MYO16: variants seen among roughly 807,000 people sequenced by gnomAD.
MYO16 encodes the protein unconventional myosin-XVI.
A neutral mutation model predicts 205.3 loss-of-function variants in MYO16; 94 were observed. The observed-to-expected ratio is 0.46, with a 90% CI of 0.39 to 0.54. The LOEUF (loss-of-function observed/expected upper bound fraction) is 0.54. Ranked by LOEUF, MYO16 falls within the 20% of genes least tolerant of loss-of-function variation. The pLI, the probability that MYO16 is intolerant of heterozygous loss-of-function variation, is 0.00. For synonymous variants in MYO16, 988 were observed against 954.0 expected, an observed-to-expected ratio of 1.04 and a Z score of -0.66; for missense variants, 2,315 against 2,387.5, an observed-to-expected ratio of 0.97 and a Z score of 0.63.
intron 34 of MYO16, among the ~76,000 whole-genome samples, chr13:109,199,940 A>G (rs1349476557): frequency 6.6e-6 from 1 of 152,228 alleles, no homozygotes; most frequent in Admixed American, 6.5e-5. Flanking sequence ...TTGTTTATAT[A>G]GTACTGGACT....
At chr13:108,588,239 A>G in the MYO16 span, among the ~76,000 whole-genome samples, 1 of 152,150 alleles carries the variant, frequency 6.6e-6, no homozygotes, top group Admixed American at 6.5e-5. Context: ...GAAAGAAACT[A>G]TATCTGTATG....
chr13:108,948,681 G>A lies in MYO16; in HGVS notation c.1926-9007G>A, dbSNP rs1224750897. Among the ~76,000 whole-genome samples, 3 of 152,204 alleles carry A rather than the reference G, an allele frequency of 2.0e-5. 1 individual carries two copies. The highest frequency in any genetic ancestry group is 1.3e-4 in the Admixed American group (2 of 15,286). On this transcript the variant is annotated intron_variant, in intron 16 of 34. Coordinates refer to ENST00000457511, the MANE Select transcript of MYO16 (RefSeq NM_001198950.3). ...CTTAGAGTGATGCTTCATGCTGGAT[G>A]GGAACATTTTTTGTCTGTGCCTCCA... is the stretch of plus-strand genomic sequence containing the variant.
upstream of MYO16, among the ~76,000 whole-genome samples, chr13:108,593,740 C>T (rs1399163926): frequency 2.0e-5 from 3 of 152,106 alleles, no homozygotes; most frequent in South Asian, 2.1e-4. Flanking sequence ...TCTCCAAAGC[C>T]GAGGTCAACA....
At position 109,140,259 on chromosome 13, in the gene MYO16, C is replaced by G; in HGVS notation, c.4052-5C>G. On this transcript the variant is annotated splice_polypyrimidine_tract_variant and splice_region_variant and intron_variant, in intron 31 of 34. Transcript: ENST00000457511. The surrounding 1 kb of genome is among the most constrained non-coding windows in gnomAD (Gnocchi z 8.0). Reference sequence around the variant, plus strand: ...ACCCACTGACCGCGTCCTTTCCTGCCGCAGCTCTGGCCCGGCCCAGACCGC... The same window carrying G: ...ACCCACTGACCGCGTCCTTTCCTGCGGCAGCTCTGGCCCGGCCCAGACCGC... 1 of 1,598,278 alleles carries G rather than the reference C, an allele frequency of 6.3e-7. No homozygotes were observed. The highest frequency in any genetic ancestry group is 2.2e-5 in the East Asian group (1 of 44,594).
At chr13:108,520,680 G>A in the MYO16 span, among the ~76,000 whole-genome samples, 1 of 152,144 alleles carries the variant, frequency 6.6e-6, no homozygotes, top group East Asian at 1.9e-4. Context: ...ATACATTCAA[G>A]CCAATAAACT....
chr13:108,496,357 G>T, the MYO16 span, among the ~76,000 whole-genome samples: 1 of 152,206 alleles, frequency 6.6e-6, no homozygotes, highest in Non-Finnish European at 1.5e-5. Context: ...CGCGATGGGG[G>T]CTCTGCTTCC....
At position 109,133,730 on chromosome 13, in the gene MYO16, C is replaced by A. The variant is rs542840669; in HGVS notation, c.4051+6180C>A. ...AAGTAGTTGCAAACATTTTATGCAT[C>A]AATATTAGAACAAAAAAATAAGAAA... On this transcript the variant is annotated intron_variant, in intron 31 of 34. Coordinates refer to ENST00000457511, the MANE Select transcript of MYO16 (RefSeq NM_001198950.3). Among the ~76,000 whole-genome samples the A allele has an allele frequency of 5.3e-5, 8 of 152,224 alleles. No individual in the cohort carries two copies. The South Asian group carries it at 1.7e-3, about 32-fold the overall frequency.
At chr13:109,113,303 G>A (rs1243035638) in intron 28 of MYO16, among the ~76,000 whole-genome samples, 1 of 147,826 alleles carries the variant, frequency 6.8e-6, no homozygotes, top group Non-Finnish European at 1.5e-5. Context: ...AGGGAGGGAG[G>A]GATGGAGAGA....
At chr13:108,740,352 C>T (rs1884864339) in intron 4 of MYO16, among the ~76,000 whole-genome samples, 1 of 152,186 alleles carries the variant, frequency 6.6e-6, no homozygotes, top group South Asian at 2.1e-4. Flanking sequence ...TTCCTTCTAA[C>T]AGTCAGGACT....
intron 28 of MYO16, among the ~76,000 whole-genome samples, chr13:109,109,933 G>T (rs1313827841): frequency 1.3e-5 from 2 of 152,156 alleles, no homozygotes; most frequent in Admixed American, 6.5e-5. Context: ...GATCAGATGT[G>T]CAGGATAAAA....
intron 12 of MYO16, among the ~76,000 whole-genome samples, chr13:108,871,352 G>GTGTGTGTGTGTGTT (rs1555307585): frequency 1.3e-5 from 2 of 150,806 alleles, no homozygotes; most frequent in African/African-American, 4.9e-5. Flanking sequence ...GTGTGTGTGT[G>GTGTGTGTGTGTGTT]TGTGTGTGTG....
At chr13:108,603,737 A>G (rs1180699108) in intron 1 of MYO16, among the ~76,000 whole-genome samples, 4 of 152,220 alleles carry the variant, frequency 2.6e-5, no homozygotes, top group African/African-American at 7.2e-5. Context: ...AGGCAGTTCA[A>G]TAAATCATCC....
chr13:108,904,392 A>T (rs559531624), intron 15 of MYO16, among the ~76,000 whole-genome samples: 4 of 152,350 alleles, frequency 2.6e-5, no homozygotes, highest in African/African-American at 9.6e-5. Context: ...AACTTTGCCA[A>T]CAATGACTTA....
rs1465450085 is a variant in MYO16, at chr13:108,667,098, A to G, written c.292+949A>G. Among the ~76,000 whole-genome samples the G allele has an allele frequency of 2.0e-5, 3 of 152,300 alleles. No homozygotes were observed. The East Asian group carries it at 5.8e-4, about 29-fold the overall frequency. On this transcript the variant is annotated intron_variant, in intron 2 of 34. Transcript: ENST00000457511. Reference sequence around the variant, plus strand: ...TTAGTGGCAAAACTTTCACTGACCTACTTATGGTTTATAACCTGTTCAGTT... The same window carrying G: ...TTAGTGGCAAAACTTTCACTGACCTGCTTATGGTTTATAACCTGTTCAGTT...
chr13:109,028,771 C>G (rs189245965), intron 23 of MYO16, among the ~76,000 whole-genome samples: 1 of 151,422 alleles, frequency 6.6e-6, no homozygotes, highest in Non-Finnish European at 1.5e-5. Context: ...ATCTCAGACA[C>G]GTAGGCCCTG....
At chr13:108,594,078 G>T (rs1419505173), upstream of MYO16, among the ~76,000 whole-genome samples, 2 of 152,156 alleles carry the variant, frequency 1.3e-5, no homozygotes, top group African/African-American at 4.8e-5. Flanking sequence ...TCAAACACGG[G>T]CTACCCAAGA....
the MYO16 span, among the ~76,000 whole-genome samples, chr13:108,559,733 G>A: frequency 1.3e-5 from 2 of 151,952 alleles, no homozygotes; most frequent in Admixed American, 6.6e-5. Flanking sequence ...GCCTCCCAAA[G>A]TGCTGGGATT....
At chr13:108,807,839 C>T (rs1037582842) in intron 7 of MYO16, among the ~76,000 whole-genome samples, 1 of 152,106 alleles carries the variant, frequency 6.6e-6, no homozygotes, top group African/African-American at 2.4e-5. Flanking sequence ...ATACTAATTT[C>T]TTAAAGTCTT....
intron 5 of MYO16, among the ~76,000 whole-genome samples, 195 bp from the exon 6 acceptor site, chr13:108,793,321 T>C (rs187295608): frequency 4.7e-4 from 69 of 147,930 alleles, no homozygotes; most frequent in Non-Finnish European, 8.8e-4. Flanking sequence ...CAAGAGATAA[T>C]TTTATATTTT....
Sources: allele counts gnomAD v4.1 joint callset (sites outside exome capture counted in the v4.1 genomes callset), GRCh38; gene constraint gnomAD v4.1.1; non-coding constraint Gnocchi (gnomAD v3.1); transcripts MANE v1.5; gene names NCBI Gene and HGNC (gene_info 2026-07-23, HGNC 2026-07-21).